TTC28: variants seen among roughly 807,000 people sequenced by gnomAD.
The protein encoded by TTC28 is tetratricopeptide repeat domain 28, also known as tetratricopeptide repeat protein 28.
TTC28 carries 61 observed loss-of-function variants against 198.0 expected under a neutral mutation model. The observed-to-expected ratio is 0.31, with a 90% CI of 0.25 to 0.38. TTC28 has a LOEUF of 0.38. Ranked by LOEUF, TTC28 falls within the 10% of genes least tolerant of loss-of-function variation. The probability of loss-of-function intolerance (pLI) is 1.00; values close to 1 mark genes in which losing one functional copy is unlikely to be tolerated. For missense variants in TTC28, 2,678 were observed against 3,164.0 expected, an observed-to-expected ratio of 0.85 and a Z score of 3.69; for synonymous variants, 1,171 against 1,297.8, an observed-to-expected ratio of 0.90 and a Z score of 2.10.
intron 5 of TTC28, among the ~76,000 whole-genome samples, chr22:28,250,993 T>C (rs1449990524): frequency 6.6e-6 from 1 of 152,196 alleles, no homozygotes; most frequent in African/African-American, 2.4e-5. Flanking sequence ...TTATATAATT[T>C]TCAAGTCATC....
chr22:28,651,100 T>C (rs1021504424), intron 1 of TTC28, among the ~76,000 whole-genome samples: 6 of 152,350 alleles, frequency 3.9e-5, no homozygotes, highest in South Asian at 2.1e-4. Context: ...TAGCCCTTTA[T>C]AGAAAGTATG....
At chr22:28,150,000 C>T (rs1233169509) in intron 6 of TTC28, among the ~76,000 whole-genome samples, 2 of 151,848 alleles carry the variant, frequency 1.3e-5, no homozygotes, top group African/African-American at 4.8e-5. Flanking sequence ...CACATTGTAT[C>T]CCATAAATAT....
intron 2 of TTC28, among the ~76,000 whole-genome samples, chr22:28,491,919 A>G (rs1045465897): frequency 2.6e-5 from 4 of 152,224 alleles, no homozygotes; most frequent in African/African-American, 4.8e-5. Context: ...ACCACGGAAT[A>G]TTATGCAGCC....
chr22:28,141,894 C>A (rs889186610), intron 6 of TTC28, among the ~76,000 whole-genome samples: 1 of 152,154 alleles, frequency 6.6e-6, no homozygotes, highest in Non-Finnish European at 1.5e-5. Flanking sequence ...ACAAGGGATT[C>A]ATTTATTACA....
intron 5 of TTC28, among the ~76,000 whole-genome samples, chr22:28,262,557 T>A (rs1319103873): frequency 2.0e-5 from 3 of 152,148 alleles, no homozygotes; most frequent in Non-Finnish European, 4.4e-5. Flanking sequence ...TGAAGCTTAA[T>A]ATAAACTAAC....
intron 5 of TTC28, among the ~76,000 whole-genome samples, chr22:28,200,339 A>T (rs1349250301): frequency 6.6e-6 from 1 of 152,182 alleles, no homozygotes; most frequent in East Asian, 1.9e-4. Flanking sequence ...ATAAAATGAC[A>T]TGTCATTTTT....
At chr22:28,426,789 A>G (rs1183466908) in intron 2 of TTC28, among the ~76,000 whole-genome samples, 2 of 152,152 alleles carry the variant, frequency 1.3e-5, no homozygotes, top group Non-Finnish European at 1.5e-5. Flanking sequence ...AGAGGTCCAA[A>G]AGAATAACAG....
At chr22:28,095,621 T>A (rs1362749082) in intron 11 of TTC28, among the ~76,000 whole-genome samples, 1 of 152,222 alleles carries the variant, frequency 6.6e-6, no homozygotes, top group African/African-American at 2.4e-5. Context: ...TGTTTCTGTA[T>A]TTAGTGAAAC....
intron 2 of TTC28, among the ~76,000 whole-genome samples, chr22:28,460,676 C>CAGAT (rs763742467): frequency 6.7e-6 from 1 of 149,170 alleles, no homozygotes; most frequent in Non-Finnish European, 1.5e-5. Context: ...GACAGACAGA[C>CAGAT]AGATAGATAG....
At chr22:28,552,066 C>T (rs2049683061) in intron 2 of TTC28, among the ~76,000 whole-genome samples, 1 of 152,150 alleles carries the variant, frequency 6.6e-6, no homozygotes, top group Admixed American at 6.6e-5. Flanking sequence ...AAATCAGTAG[C>T]TCTGCTATAC....
Position 28,133,527 on chromosome 22 carries a change from C to T in TTC28, c.1442-25124G>A, listed in dbSNP as rs371256098. On this transcript the variant is annotated intron_variant, in intron 6 of 22. Transcript: ENST00000397906. ...ACTCCCACCCTAATACTGAACTTTT[C>T]CAACTGTCTTAGCAAACGGCACACC... is the stretch of plus-strand genomic sequence containing the variant. Among the ~76,000 whole-genome samples, 18 of 152,290 alleles carry T rather than the reference C, an allele frequency of 1.2e-4. No homozygotes were observed. The South Asian group carries it at 3.7e-3, about 32-fold the overall frequency.
At chr22:27,996,999 G>A (rs1466634003) in intron 16 of TTC28, among the ~76,000 whole-genome samples, 2 of 152,260 alleles carry the variant, frequency 1.3e-5, no homozygotes, top group African/African-American at 4.8e-5. Flanking sequence ...GGGCAGACCT[G>A]CAGAGACAGG....
chr22:28,002,453 G>T (rs1490124632), intron 14 of TTC28: 1 of 152,236 alleles, frequency 6.6e-6, no homozygotes, highest in Non-Finnish European at 1.5e-5. Flanking sequence ...CACCCACCAG[G>T]GTGCCACTCG....
chr22:28,649,942 T>C (rs60693420), intron 1 of TTC28, among the ~76,000 whole-genome samples: 20,775 of 152,142 alleles, frequency 0.14, 1,669 homozygotes, highest in African/African-American at 0.2. Context: ...TCTGAACTTA[T>C]TGGTACTGTC....
At chr22:28,386,284 A>T (rs2046590144) in intron 2 of TTC28, among the ~76,000 whole-genome samples, 1 of 125,440 alleles carries the variant, frequency 8.0e-6, no homozygotes, top group African/African-American at 4.1e-5. Context: ...CAAAAAAAAA[A>T]AAAAAAAAAA....
intron 2 of TTC28, among the ~76,000 whole-genome samples, chr22:28,341,671 C>T (rs1390586832): frequency 6.6e-6 from 1 of 151,660 alleles, no homozygotes; most frequent in Non-Finnish European, 1.5e-5. Context: ...ATGCCTGTAA[C>T]CCCAGCTACT....
chr22:28,373,489 T>C (rs2046367006), intron 2 of TTC28, among the ~76,000 whole-genome samples: 2 of 152,188 alleles, frequency 1.3e-5, no homozygotes, highest in Non-Finnish European at 2.9e-5. Flanking sequence ...AAGTTCAGAA[T>C]CTACAGATTG....
chr22:28,679,554 C>T (rs1174902792), intron 1 of TTC28, 68 bp downstream of exon 1: 2 of 1,121,942 alleles, frequency 1.8e-6, no homozygotes, highest in Non-Finnish European at 2.5e-6. Context: ...CCGCTGAGGC[C>T]CGGCCCGGCT....
chr22:28,233,627 G>T (rs1053443655), intron 5 of TTC28, among the ~76,000 whole-genome samples: 1 of 152,146 alleles, frequency 6.6e-6, no homozygotes, highest in Non-Finnish European at 1.5e-5. Context: ...CCACTCAAAG[G>T]CATGTATTGT....
Sources: allele counts gnomAD v4.1 joint callset (sites outside exome capture counted in the v4.1 genomes callset), GRCh38; gene constraint gnomAD v4.1.1; transcripts MANE v1.5; gene names NCBI Gene and HGNC (gene_info 2026-07-23, HGNC 2026-07-21).